Variants in LMNTD1 observed in about 807,000 individuals in gnomAD.
The protein encoded by LMNTD1 is lamin tail domain-containing protein 1.
Under a neutral mutation model 50.9 loss-of-function variants are expected in LMNTD1, and 35 were observed. That is an observed-to-expected ratio of 0.69 (90% CI 0.53 to 0.91). The LOEUF (loss-of-function observed/expected upper bound fraction) is 0.91. Among genes scored for constraint, LMNTD1 ranks in the 40% least tolerant of loss-of-function variants. LMNTD1 has a pLI of 0.00. For synonymous variants in LMNTD1, 153 were observed against 161.9 expected (o/e 0.94, Z 0.42); for missense variants, 470 against 475.5 (o/e 0.99, Z 0.11).
rs1302085274 is a variant in LMNTD1 at position 25,546,569 on chromosome 12, G to C, written c.311-15C>G. ...GGGGCTGGCATCTTTCAAGTAGACA[G>C]AAGAAAGAAGTAACCAGGAAAGAAG... On this transcript the variant is annotated splice_polypyrimidine_tract_variant and intron_variant, in intron 3 of 9. Coordinates refer to ENST00000458174, the MANE Select transcript of LMNTD1 (RefSeq NM_001145728.2). 3.4e-6 allele frequency: 5 copies of C among 1,471,474 alleles called. No individual in the cohort carries two copies. The East Asian group carries it at 9.7e-5, about 29-fold the overall frequency. The allele number at this position is 1,471,474 out of a possible 1,614,324, so 91.2% of individuals were successfully genotyped here. A position where few individuals can be genotyped will look rare whatever the true frequency, so the allele number is the denominator to read the frequency against.
Position 25,520,055 on chromosome 12 carries a change from A to G in LMNTD1, c.819T>C (p.Pro273=), listed in dbSNP as rs1048485183. Reference sequence around the variant, plus strand: ...TTTCCCACGCTTGCTTCCAGTGGATAGGGGTGTACCACGCAATGGCCTAAT... The same window carrying G: ...TTTCCCACGCTTGCTTCCAGTGGATGGGGGTGTACCACGCAATGGCCTAAT... The part of the protein sequence containing the change: ...PNGQAIAWYT[P]IHWKQAWEKL... Residue 273 remains proline (P), a synonymous_variant, in exon 7 of 10, where the codon CCT becomes CCC. Transcript: ENST00000458174. 1 of 1,611,422 alleles carries G rather than the reference A, an allele frequency of 6.2e-7. No individual in the cohort carries two copies. The highest frequency in any genetic ancestry group is 8.5e-7 in the Non-Finnish European group (1 of 1,178,898).
intron 1 of LMNTD1, among the ~76,000 whole-genome samples, chr12:25,563,118 A>G (rs1944405976): frequency 6.6e-6 from 1 of 152,208 alleles, no homozygotes; most frequent in African/African-American, 2.4e-5. Flanking sequence ...GTTATTACCA[A>G]TCATCTGAAG....
chr12:25,513,397 A>G (rs1287819728), intron 8 of LMNTD1, among the ~76,000 whole-genome samples: 2 of 152,240 alleles, frequency 1.3e-5, no homozygotes, highest in African/African-American at 4.8e-5. Flanking sequence ...CTGTAATCCC[A>G]GCACTTTGGA....
At chr12:25,584,453 A>T (rs1945439616) in intron 1 of LMNTD1, among the ~76,000 whole-genome samples, 2 of 152,140 alleles carry the variant, frequency 1.3e-5, no homozygotes, top group Admixed American at 1.3e-4. Context: ...GTCCTATATG[A>T]TGTTTTGACT....
At position 25,506,612 on chromosome 12, in the gene LMNTD1, A is replaced by G. The variant is rs115048724; in HGVS notation, c.1190-2812T>C. 3.6e-3 allele frequency among the ~76,000 whole-genome samples: 551 copies of G among 151,882 alleles called. 4 individuals are homozygous for G. Among genetic ancestry groups the G allele is most frequent in the African/African-American group, 0.013 (536 of 41,408 alleles). ...GTGTAGGATGAATAATGGCAACACA[A>G]TGTAAACTTATCTGCTGTGTTAAAG... is the stretch of plus-strand genomic sequence containing the variant. On this transcript the variant is annotated intron_variant, in intron 8 of 9. Coordinates refer to ENST00000458174, the MANE Select transcript of LMNTD1 (RefSeq NM_001145728.2).
At chr12:25,618,648 C>G (rs1003783532) in intron 1 of LMNTD1, among the ~76,000 whole-genome samples, 1 of 152,058 alleles carries the variant, frequency 6.6e-6, no homozygotes, top group Non-Finnish European at 1.5e-5. Flanking sequence ...ACATAGGAAT[C>G]GGAGAAGCCA....
Position 25,511,866 on chromosome 12 carries a change from CT to C in LMNTD1, c.1189+6928del, listed in dbSNP as rs571027246. ...CACTGAACCCAAAGTTTATTCTTGCCTCCTTGTGCTTTTAATATGTACTGTT... is the reference window on the plus strand; with the variant it reads ...CACTGAACCCAAAGTTTATTCTTGCCCCTTGTGCTTTTAATATGTACTGTT... On this transcript the variant is annotated intron_variant, in intron 8 of 9. Transcript: ENST00000458174. Among the ~76,000 whole-genome samples the C allele has an allele frequency of 9.5e-4, 145 of 152,176 alleles. 1 individual carries two copies. Among genetic ancestry groups the C allele is most frequent in the African/African-American group, 3.2e-3 (131 of 41,528 alleles).
chr12:25,610,444 G>A lies in LMNTD1; in HGVS notation c.58+38050C>T, dbSNP rs781483844. On this transcript the variant is annotated intron_variant, in intron 1 of 7. Coordinates refer to the LMNTD1 transcript ENST00000445693. ...TCAGTCACACTGAGAGCTGCAGACC[G>A]GAGCTGTTCCTATTTGGCCATCTTG... is the stretch of plus-strand genomic sequence containing the variant. 5.3e-5 allele frequency among the ~76,000 whole-genome samples: 8 copies of A among 152,116 alleles called. No individual in the cohort carries two copies. In the East Asian group the frequency reaches 7.7e-4, roughly 15 times the overall value.
chr12:25,558,556 C>A (rs1367861220), intron 1 of LMNTD1, among the ~76,000 whole-genome samples: 1 of 152,084 alleles, frequency 6.6e-6, no homozygotes, highest in East Asian at 1.9e-4. Flanking sequence ...TGTTTAATTT[C>A]TATGTTGTAT....
chr12:25,595,343 C>T (rs1945820754), intron 1 of LMNTD1, among the ~76,000 whole-genome samples: 1 of 152,052 alleles, frequency 6.6e-6, no homozygotes, highest in South Asian at 2.1e-4. Context: ...AAATGAGCCT[C>T]AACAAATTTA....
At chr12:25,554,372 A>G (rs1156882993), upstream of LMNTD1, among the ~76,000 whole-genome samples, 2 of 152,234 alleles carry the variant, frequency 1.3e-5, no homozygotes, top group South Asian at 2.1e-4. Flanking sequence ...ATTTTCCAAC[A>G]TATTTTGGAG....
chr12:25,482,170 C>G (rs1275086241), intron 9 of LMNTD1, among the ~76,000 whole-genome samples: 1 of 151,894 alleles, frequency 6.6e-6, no homozygotes, highest in Non-Finnish European at 1.5e-5. Flanking sequence ...CTGTCATCAG[C>G]ATGTACACAT....
intron 1 of LMNTD1, among the ~76,000 whole-genome samples, chr12:25,584,096 G>T (rs1014268816): frequency 2.6e-4 from 39 of 152,154 alleles, no homozygotes; most frequent in Non-Finnish European, 1.0e-4. Flanking sequence ...GGCAGAATTT[G>T]CTGGCAGATT....
chr12:25,605,607 C>T (rs1030154044), intron 1 of LMNTD1, among the ~76,000 whole-genome samples: 1 of 152,176 alleles, frequency 6.6e-6, no homozygotes, highest in African/African-American at 2.4e-5. Context: ...GGAATCCTTT[C>T]CCCATTGCTT....
chr12:25,623,636 G>A (rs575943484), intron 1 of LMNTD1, among the ~76,000 whole-genome samples: 1 of 149,438 alleles, frequency 6.7e-6, no homozygotes, highest in Non-Finnish European at 1.5e-5. Context: ...CTGAATGTAT[G>A]CATTTAAAAG....
intron 9 of LMNTD1, among the ~76,000 whole-genome samples, chr12:25,479,816 A>G (rs915476626): frequency 1.3e-5 from 2 of 152,178 alleles, no homozygotes; most frequent in African/African-American, 4.8e-5. Flanking sequence ...ACTTACCACC[A>G]AGTAGCTGGC....
At chr12:25,514,026 G>T (rs1940542234) in intron 8 of LMNTD1, among the ~76,000 whole-genome samples, 1 of 152,088 alleles carries the variant, frequency 6.6e-6, no homozygotes, top group African/African-American at 2.4e-5. Context: ...CTACCAACAA[G>T]ATGGTTTTTC....
chr12:25,481,534 A>G (rs749984089), intron 9 of LMNTD1, among the ~76,000 whole-genome samples: 148 of 152,004 alleles, frequency 9.7e-4, no homozygotes, highest in Non-Finnish European at 4.1e-4. Context: ...GACGTTTTAA[A>G]GACACTTCCA....
At chr12:25,498,792 G>T (rs889565008) in intron 9 of LMNTD1, among the ~76,000 whole-genome samples, 2 of 151,986 alleles carry the variant, frequency 1.3e-5, no homozygotes, top group African/African-American at 4.8e-5. Flanking sequence ...CTATTTTCTT[G>T]CTTGCTTGCT....
Sources: allele counts gnomAD v4.1 joint callset (sites outside exome capture counted in the v4.1 genomes callset), GRCh38; gene constraint gnomAD v4.1.1; transcripts MANE v1.5; gene names NCBI Gene and HGNC (gene_info 2026-07-23, HGNC 2026-07-21).